ZNF385B: variants seen among roughly 807,000 people sequenced by gnomAD.
The protein encoded by ZNF385B is zinc finger protein 533.
In ZNF385B, 23 loss-of-function variants were observed where a neutral mutation model predicts 39.2. The observed-to-expected ratio is 0.59, with a 90% CI of 0.42 to 0.83. ZNF385B has a LOEUF of 0.83. Among genes scored for constraint, ZNF385B ranks in the 40% least tolerant of loss-of-function variants. The probability of loss-of-function intolerance (pLI) is 0.00; values close to 1 mark genes in which losing one functional copy is unlikely to be tolerated. For synonymous variants in ZNF385B, 205 were observed against 222.6 expected (o/e 0.92, Z 0.70); for missense variants, 552 against 598.9 (o/e 0.92, Z 0.82).
chr2:179,594,504 A>T (rs1252080524), intron 3 of ZNF385B, among the ~76,000 whole-genome samples: 1 of 152,186 alleles, frequency 6.6e-6, no homozygotes, highest in Admixed American at 6.5e-5. Flanking sequence ...ACCTATATCT[A>T]AGCCCCAATG....
Position 179,738,596 on chromosome 2 carries a change from A to T in ZNF385B, c.298+30907T>A, listed in dbSNP as rs560968030. Reference sequence around the variant, plus strand: ...CACTTACTGTTAGTTGAAACTGATCATGTTGGAGTTGGGCCACTTTTCTAG... The same window carrying T: ...CACTTACTGTTAGTTGAAACTGATCTTGTTGGAGTTGGGCCACTTTTCTAG... On this transcript the variant is annotated intron_variant, in intron 3 of 9. Coordinates refer to ENST00000410066, the MANE Select transcript of ZNF385B (RefSeq NM_152520.6). Among the ~76,000 whole-genome samples, 35 of 152,242 alleles carry T rather than the reference A, an allele frequency of 2.3e-4. 1 individual carries two copies. Among genetic ancestry groups the T allele is most frequent in the Non-Finnish European group, 4.7e-4 (32 of 68,022 alleles).
intron 4 of ZNF385B, among the ~76,000 whole-genome samples, chr2:179,542,882 G>C (rs1160648772): frequency 6.6e-6 from 1 of 152,130 alleles, no homozygotes; most frequent in Non-Finnish European, 1.5e-5. Flanking sequence ...GTATGTGCAG[G>C]GGTATGGAAT....
At chr2:179,725,922 ATATATATATATGTG>A (rs1270426355) in intron 3 of ZNF385B, among the ~76,000 whole-genome samples, 1 of 145,332 alleles carries the variant, frequency 6.9e-6, no homozygotes, top group African/African-American at 2.6e-5. Flanking sequence ...ATATATATAT[ATATATATATATGTG>A]TATATACAGA....
chr2:179,842,090 A>C (rs1306921999), intron 1 of ZNF385B, among the ~76,000 whole-genome samples: 2 of 152,138 alleles, frequency 1.3e-5, no homozygotes, highest in South Asian at 4.1e-4. Flanking sequence ...TACATACCAC[A>C]CAGGGTTACA....
At chr2:179,451,205 C>T (rs1381484323) in intron 6 of ZNF385B, among the ~76,000 whole-genome samples, 8 of 146,608 alleles carry the variant, frequency 5.5e-5, no homozygotes, top group African/African-American at 2.0e-4. Flanking sequence ...ACATATGTAA[C>T]TAACCTGCAC....
intron 1 of ZNF385B, among the ~76,000 whole-genome samples, chr2:179,838,981 G>A (rs1708405495): frequency 6.6e-6 from 1 of 151,854 alleles, no homozygotes; most frequent in Non-Finnish European, 1.5e-5. Flanking sequence ...TTTAGCCCCG[G>A]CACTATATAT....
At chr2:179,607,525 T>C (rs1179673287) in intron 3 of ZNF385B, among the ~76,000 whole-genome samples, 1 of 152,152 alleles carries the variant, frequency 6.6e-6, no homozygotes, top group African/African-American at 2.4e-5. Flanking sequence ...TAAACCTCTT[T>C]TCTTTATAAA....
At chr2:179,552,957 C>T (rs2060671408) in intron 3 of ZNF385B, among the ~76,000 whole-genome samples, 1 of 148,990 alleles carries the variant, frequency 6.7e-6, no homozygotes, top group Non-Finnish European at 1.5e-5. Context: ...GGTATTAGCC[C>T]CATTTTACAG....
intron 6 of ZNF385B, among the ~76,000 whole-genome samples, chr2:179,467,806 GAA>G (rs11313974): frequency 7.1e-6 from 1 of 141,672 alleles, no homozygotes; most frequent in Non-Finnish European, 1.5e-5. Context: ...ATGTCCTTTA[GAA>G]AAAAAAAAAC....
chr2:179,555,999 C>T (rs941581753), intron 3 of ZNF385B, among the ~76,000 whole-genome samples: 3 of 148,474 alleles, frequency 2.0e-5, no homozygotes, highest in East Asian at 3.9e-4. Flanking sequence ...TCAAAGAAGC[C>T]GCATCAGGAG....
chr2:179,472,331 C>G (rs2052860432), intron 6 of ZNF385B, among the ~76,000 whole-genome samples: 2 of 152,082 alleles, frequency 1.3e-5, no homozygotes, highest in Admixed American at 1.3e-4. Flanking sequence ...TCTAAAAATG[C>G]AGTATATGAA....
At chr2:179,615,196 T>C (rs943973546) in intron 3 of ZNF385B, among the ~76,000 whole-genome samples, 1 of 152,244 alleles carries the variant, frequency 6.6e-6, no homozygotes, top group Non-Finnish European at 1.5e-5. Flanking sequence ...TTAATCATGC[T>C]AGTATATGTC....
At chr2:179,641,028 T>C (rs1692218932) in intron 3 of ZNF385B, among the ~76,000 whole-genome samples, 1 of 152,198 alleles carries the variant, frequency 6.6e-6, no homozygotes, top group African/African-American at 2.4e-5. Flanking sequence ...CTAAATCCTC[T>C]TTGAATCTTT....
chr2:179,579,033 A>G (rs1415628194), intron 3 of ZNF385B, among the ~76,000 whole-genome samples: 3 of 152,118 alleles, frequency 2.0e-5, no homozygotes, highest in Non-Finnish European at 4.4e-5. Context: ...ATCCTGACAT[A>G]CACAGTAAAT....
chr2:179,816,216 A>T (rs1253587502), intron 1 of ZNF385B, among the ~76,000 whole-genome samples: 1 of 152,186 alleles, frequency 6.6e-6, no homozygotes, highest in Non-Finnish European at 1.5e-5. Context: ...ACGGGTCTCC[A>T]TTTCTTTTTG....
chr2:179,858,129 G>A (rs1480498357), intron 1 of ZNF385B, among the ~76,000 whole-genome samples: 3 of 152,036 alleles, frequency 2.0e-5, no homozygotes, highest in Non-Finnish European at 4.4e-5. Context: ...CAGATAAGAA[G>A]ACTGAAAAAA....
Position 179,518,523 on chromosome 2 carries a change from C to T in ZNF385B, c.552+5G>A. ...TACAGAGAATAATGAAAAGGTGATA[C>T]TCACATCTGAGTTAAAGCGAAGCTG... is the stretch of plus-strand genomic sequence containing the variant. On this transcript the variant is annotated splice_donor_5th_base_variant and intron_variant, in intron 5 of 9. Transcript: ENST00000410066. 1 of 1,579,126 alleles carries T rather than the reference C, an allele frequency of 6.3e-7. No individual in the cohort carries two copies. The highest frequency in any genetic ancestry group is 8.6e-7 in the Non-Finnish European group (1 of 1,158,184).
chr2:179,794,694 G>A (rs1216926782), intron 1 of ZNF385B, among the ~76,000 whole-genome samples: 1 of 152,120 alleles, frequency 6.6e-6, no homozygotes, highest in Non-Finnish European at 1.5e-5. Flanking sequence ...GGGGAAATAA[G>A]AACCAACATC....
At chr2:179,595,451 G>A (rs1687916636) in intron 3 of ZNF385B, among the ~76,000 whole-genome samples, 1 of 152,078 alleles carries the variant, frequency 6.6e-6, no homozygotes, top group African/African-American at 2.4e-5. Flanking sequence ...TAGGTCACAT[G>A]GGCCTAAGAT....
Sources: gnomAD v4.1 joint callset for allele counts (sites outside exome capture counted in the v4.1 genomes callset) on GRCh38, gnomAD v4.1.1 for gene constraint, MANE v1.5 for transcripts, NCBI Gene and HGNC (gene_info 2026-07-23, HGNC 2026-07-21) for gene names.